The following ATP8A2 variants were observed in gnomAD, a reference collection of about 807,000 sequenced individuals.
The protein encoded by ATP8A2 is phospholipid-transporting ATPase IB.
In ATP8A2, 100 loss-of-function variants were observed where a neutral mutation model predicts 165.6. The ratio of observed to expected loss-of-function variants is 0.60; its 90% CI spans 0.51 to 0.71. The LOEUF (loss-of-function observed/expected upper bound fraction) is 0.71. Among genes scored for constraint, ATP8A2 ranks in the 30% least tolerant of loss-of-function variants. ATP8A2 has a pLI of 0.00. For synonymous variants in ATP8A2, 543 were observed against 548.8 expected, an observed-to-expected ratio of 0.99 and a Z score of 0.15; for missense variants, 1,227 against 1,479.5, an observed-to-expected ratio of 0.83 and a Z score of 2.80.
At chr13:25,488,476 C>T (rs557181682) in intron 2 of ATP8A2, among the ~76,000 whole-genome samples, 4 of 152,330 alleles carry the variant, frequency 2.6e-5, no homozygotes, top group African/African-American at 4.8e-5. Flanking sequence ...CATGGTGGCT[C>T]ATGCCTGTAA....
At chr13:25,492,939 G>A (rs1450606166) in intron 2 of ATP8A2, among the ~76,000 whole-genome samples, 2 of 152,194 alleles carry the variant, frequency 1.3e-5, no homozygotes, top group Non-Finnish European at 2.9e-5. Flanking sequence ...CACGAGGAGC[G>A]AGGGACTTAT....
intron 2 of ATP8A2, among the ~76,000 whole-genome samples, chr13:25,513,981 A>AGAGGGGGAGGGG (rs1213398201): frequency 3.6e-5 from 2 of 54,888 alleles, no homozygotes; most frequent in African/African-American, 8.5e-5. Context: ...GGGGAGTGGG[A>AGAGGGGGAGGGG]GAGGGGGAGG....
chr13:25,775,011 T>C (rs760305103), intron 27 of ATP8A2, 52 bp downstream of exon 27: 26 of 1,038,470 alleles, frequency 2.5e-5, no homozygotes, highest in Non-Finnish European at 3.4e-5. Flanking sequence ...TAAGAGGATA[T>C]CTTGAGGTAT....
rs1443257774 is a variant in ATP8A2 at position 25,750,600 on chromosome 13, A to G, written c.2385-18446A>G. 1.3e-5 allele frequency among the ~76,000 whole-genome samples: 2 copies of G among 152,080 alleles called. No individual in the cohort carries two copies. Among genetic ancestry groups the G allele is most frequent in the Admixed American group, 6.6e-5 (1 of 15,266 alleles). ...GTTCAGCAGGGCCCTTCGCCCCACCACGTGATGGGATTCTAGAAATGAGTG... is the reference window on the plus strand; with the variant it reads ...GTTCAGCAGGGCCCTTCGCCCCACCGCGTGATGGGATTCTAGAAATGAGTG... On this transcript the variant is annotated intron_variant, in intron 25 of 36. Coordinates refer to ENST00000381655, the MANE Select transcript of ATP8A2 (RefSeq NM_016529.6). The surrounding 1 kb of genome is among the most constrained non-coding windows in gnomAD (Gnocchi z 4.3).
chr13:25,560,988 A>G (rs1225374250), intron 15 of ATP8A2, among the ~76,000 whole-genome samples: 4 of 150,328 alleles, frequency 2.7e-5, no homozygotes, highest in African/African-American at 4.9e-5. Context: ...CCGGGTTCAT[A>G]CCATTCTCCT....
At chr13:25,882,481 C>CT (rs1169284844) in intron 33 of ATP8A2, among the ~76,000 whole-genome samples, 1 of 152,092 alleles carries the variant, frequency 6.6e-6, no homozygotes, top group African/African-American at 2.4e-5. Flanking sequence ...ACAAAAAAGA[C>CT]TAAGTTCGTG....
At chr13:25,581,227 C>G (rs529049185) in intron 22 of ATP8A2, among the ~76,000 whole-genome samples, 1 of 152,232 alleles carries the variant, frequency 6.6e-6, no homozygotes, top group East Asian at 1.9e-4. Flanking sequence ...ATTTGCCCGA[C>G]CAGCAGGCAC....
chr13:25,888,068 A>ACCCCCCCCCCCCC (rs71080210), intron 33 of ATP8A2, among the ~76,000 whole-genome samples: 9 of 105,668 alleles, frequency 8.5e-5, no homozygotes, highest in East Asian at 6.3e-4. Context: ...AAGAACCCAG[A>ACCCCCCCCCCCCC]CCCCCCCCCC....
intron 24 of ATP8A2, chr13:25,591,396 A>G (rs1025729409): frequency 1.3e-5 from 6 of 456,304 alleles, no homozygotes; most frequent in African/African-American, 6.0e-5. Flanking sequence ...TGTAAGTTCA[A>G]TCATATAGTA....
At chr13:25,823,808 A>T (rs1951238875) in intron 27 of ATP8A2, among the ~76,000 whole-genome samples, 1 of 151,852 alleles carries the variant, frequency 6.6e-6, no homozygotes, top group African/African-American at 2.4e-5. Flanking sequence ...ATTTCAGAAA[A>T]TTTTCTTCTG....
intron 26 of ATP8A2, 55 bp downstream of exon 26, chr13:25,769,284 A>T (rs771671925): frequency 1.3e-6 from 2 of 1,544,868 alleles, no homozygotes; most frequent in African/African-American, 2.7e-5. Context: ...ATAGCTGGGC[A>T]TGAGGACCTG....
rs767865945 is a variant in ATP8A2, at chr13:25,793,623, C to T, written c.2679+18664C>T. The stretch of plus-strand genomic sequence containing the variant: ...GTACACAAGTACATACATACAAATA[C>T]TACATGTACTATCAGGCTTTCTCAG... On this transcript the variant is annotated intron_variant, in intron 27 of 36. Transcript: ENST00000381655. Among the ~76,000 whole-genome samples the T allele has an allele frequency of 3.0e-4, 45 of 150,694 alleles. 2 individuals carry two copies. The highest frequency in any genetic ancestry group is 2.0e-4 in the Admixed American group (3 of 15,078).
chr13:25,961,506 G>T, intron 33 of ATP8A2, 69 bp from the exon 34 acceptor site: 1 of 1,251,512 alleles, frequency 8.0e-7, no homozygotes, highest in South Asian at 1.2e-5. Context: ...TATTATCCTT[G>T]ATTACATTAT....
chr13:25,990,743 G>A (rs191611202), intron 35 of ATP8A2, among the ~76,000 whole-genome samples: 308 of 152,322 alleles, frequency 2.0e-3, no homozygotes, highest in South Asian at 3.7e-3. Context: ...TTAACTTAGA[G>A]CTTCACTGCT....
Position 26,021,692 on chromosome 13 carries a change from G to C in ATP8A2, c.*1707G>C, listed in dbSNP as rs1355029589. Reference sequence around the variant, plus strand: ...TAAATACTTGTGGGCAACTGTTACTGGTGAAAAATGGGAGTGGAGAGCATG... The same window carrying C: ...TAAATACTTGTGGGCAACTGTTACTCGTGAAAAATGGGAGTGGAGAGCATG... On this transcript the variant is annotated 3_prime_UTR_variant, in exon 37 of 37. Transcript: ENST00000381655. The C allele has an allele frequency of 1.3e-5, 2 of 152,110 alleles. No homozygotes were observed. Among genetic ancestry groups the C allele is most frequent in the African/African-American group, 4.8e-5 (2 of 41,418 alleles). 9.4% of individuals were successfully genotyped at this position (152,110 alleles called of 1,614,324 possible).
chr13:26,013,958 C>T (rs1259894943), intron 36 of ATP8A2, among the ~76,000 whole-genome samples: 1 of 152,148 alleles, frequency 6.6e-6, no homozygotes, highest in Non-Finnish European at 1.5e-5. Context: ...GTGGGTAATG[C>T]CACCCCAAGG....
intron 1 of ATP8A2, among the ~76,000 whole-genome samples, chr13:25,417,857 A>T (rs954896833): frequency 6.6e-6 from 1 of 152,240 alleles, no homozygotes; most frequent in African/African-American, 2.4e-5. Flanking sequence ...AAAATCTTTA[A>T]GCATAAACAG....
chr13:25,515,122 C>T (rs1019758329), intron 2 of ATP8A2, among the ~76,000 whole-genome samples: 4 of 152,182 alleles, frequency 2.6e-5, no homozygotes, highest in Non-Finnish European at 5.9e-5. Flanking sequence ...TCCTCCTGCC[C>T]GACAATCTTC....
chr13:25,775,776 A>C (rs1225991194), intron 27 of ATP8A2, among the ~76,000 whole-genome samples: 1 of 152,146 alleles, frequency 6.6e-6, no homozygotes, highest in Non-Finnish European at 1.5e-5. Context: ...TCATTCTACT[A>C]TGGGTTATTT....
Sources: allele counts gnomAD v4.1 joint callset (sites outside exome capture counted in the v4.1 genomes callset), GRCh38; gene constraint gnomAD v4.1.1; non-coding constraint Gnocchi (gnomAD v3.1); transcripts MANE v1.5; gene names NCBI Gene and HGNC (gene_info 2026-07-23, HGNC 2026-07-21).